Variants in GALNT17 observed in about 807,000 individuals in gnomAD.
The protein encoded by GALNT17 is polypeptide N-acetylgalactosaminyltransferase 17.
A neutral mutation model predicts 63.7 loss-of-function variants in GALNT17; 29 were observed. That is an observed-to-expected ratio of 0.46 (90% CI 0.34 to 0.62). The LOEUF (loss-of-function observed/expected upper bound fraction) is 0.62, where lower values mean the gene tolerates loss of function less well. GALNT17 is among the 20% of genes least tolerant of loss of function. GALNT17 has a pLI of 0.01. For missense variants in GALNT17, 603 were observed against 799.6 expected (o/e 0.75, Z 2.97); for synonymous variants, 305 against 318.3 (o/e 0.96, Z 0.45).
At chr7:71,483,042 G>A (rs4719126) in intron 5 of GALNT17, among the ~76,000 whole-genome samples, 149,324 of 152,254 alleles carry the variant, frequency 0.98, 73,283 homozygotes, top group East Asian at 1. Flanking sequence ...CCTGGTTCCT[G>A]AAAGGTCACA....
chr7:71,697,179 C>T (rs1791558145), intron 9 of GALNT17, among the ~76,000 whole-genome samples: 1 of 152,006 alleles, frequency 6.6e-6, no homozygotes, highest in African/African-American at 2.4e-5. Context: ...AAAGTTTATT[C>T]TTAAATTGGT....
intron 5 of GALNT17, among the ~76,000 whole-genome samples, chr7:71,487,797 A>G (rs1787937267): frequency 6.6e-6 from 1 of 152,204 alleles, no homozygotes; most frequent in Non-Finnish European, 1.5e-5. Flanking sequence ...GAGAGAAGCC[A>G]GAACCATATG....
chr7:71,711,846 CCT>C (rs573902258), intron 10 of GALNT17, among the ~76,000 whole-genome samples, 170 bp from the exon 11 acceptor site: 34 of 151,364 alleles, frequency 2.2e-4, no homozygotes, highest in South Asian at 2.1e-3. Context: ...TTCTCTCTCT[CCT>C]CTTTCTGTCT....
intron 5 of GALNT17, among the ~76,000 whole-genome samples, chr7:71,562,407 T>C (rs1789271417): frequency 6.6e-6 from 1 of 152,196 alleles, no homozygotes; most frequent in South Asian, 2.1e-4. Context: ...TAATATATAA[T>C]GAAATAGTTC....
At chr7:71,640,208 C>T (rs537560473) in intron 6 of GALNT17, among the ~76,000 whole-genome samples, 201 of 152,280 alleles carry the variant, frequency 1.3e-3, no homozygotes, top group African/African-American at 4.6e-3. Context: ...AAGATATCCA[C>T]GCAGACTTCT....
intron 5 of GALNT17, among the ~76,000 whole-genome samples, chr7:71,508,177 T>TG: frequency 6.6e-6 from 1 of 152,254 alleles, no homozygotes; most frequent in African/African-American, 2.4e-5. Flanking sequence ...TTTCTTTCCC[T>TG]GGGGGAATTT....
At chr7:71,674,464 G>T (rs1018479945) in intron 8 of GALNT17, among the ~76,000 whole-genome samples, 1 of 151,898 alleles carries the variant, frequency 6.6e-6, no homozygotes, top group South Asian at 2.1e-4. Context: ...TCCCACCTCA[G>T]CCTCCCTAGT....
At chr7:71,297,671 G>A (rs1340724468) in intron 1 of GALNT17, among the ~76,000 whole-genome samples, 2 of 152,200 alleles carry the variant, frequency 1.3e-5, no homozygotes, top group Non-Finnish European at 2.9e-5. Flanking sequence ...TAGCTCCAAA[G>A]TGGAAACAAC....
chr7:71,160,470 T>A (rs960071897), intron 1 of GALNT17, among the ~76,000 whole-genome samples: 2 of 152,184 alleles, frequency 1.3e-5, no homozygotes, highest in African/African-American at 4.8e-5. Context: ...TGAACATTTT[T>A]TTTTTGAGAC....
intron 5 of GALNT17, among the ~76,000 whole-genome samples, chr7:71,550,493 G>A (rs1467680800): frequency 6.6e-6 from 1 of 152,022 alleles, no homozygotes; most frequent in African/African-American, 2.4e-5. Context: ...CAATTCTCCT[G>A]CCTCAGCCTC....
rs188944680 is a variant in GALNT17 at position 71,180,693 on chromosome 7, C to T, written c.238+47653C>T. Among the ~76,000 whole-genome samples the T allele has an allele frequency of 8.5e-5, 13 of 152,252 alleles. No individual in the cohort carries two copies. In the East Asian group the frequency reaches 2.5e-3, roughly 29 times the overall value. ...CTGGGGAGATGGATACGCTGTCATC[C>T]ACAGCTTTAGGAGTTGTATTTCAGC... On this transcript the variant is annotated intron_variant, in intron 1 of 10. Transcript: ENST00000333538.
intron 1 of GALNT17, among the ~76,000 whole-genome samples, chr7:71,295,754 A>C (rs1363738801): frequency 6.6e-6 from 1 of 151,792 alleles, no homozygotes; most frequent in African/African-American, 2.4e-5. Context: ...GCACACCATC[A>C]TGCCTGGCCA....
rs140250111 is a variant in GALNT17 at position 71,624,429 on chromosome 7, G to C, written c.1081-40982G>C. Among the ~76,000 whole-genome samples, 362 of 152,260 alleles carry C rather than the reference G, an allele frequency of 2.4e-3. 1 individual carries two copies. The highest frequency in any genetic ancestry group is 4.0e-3 in the Non-Finnish European group (272 of 68,016). ...GGGGTTCTAGGTATAATTAAGGGCT[G>C]TTTTACCTTTCTGTTAGGGCCCAAG... is the stretch of plus-strand genomic sequence containing the variant. On this transcript the variant is annotated intron_variant, in intron 6 of 10. Coordinates refer to ENST00000333538, the MANE Select transcript of GALNT17 (RefSeq NM_022479.3).
chr7:71,407,385 A>G (rs980297814), intron 3 of GALNT17, among the ~76,000 whole-genome samples: 8 of 152,168 alleles, frequency 5.3e-5, no homozygotes, highest in Admixed American at 5.2e-4. Flanking sequence ...AATTACCAGC[A>G]TGGGGGTTGG....
intron 5 of GALNT17, among the ~76,000 whole-genome samples, chr7:71,451,415 A>G (rs1787261057): frequency 6.6e-6 from 1 of 152,084 alleles, no homozygotes; most frequent in Admixed American, 6.5e-5. Flanking sequence ...AAAAGCTTCT[A>G]TATGTTTTTG....
intron 7 of GALNT17, 56 bp from the exon 8 acceptor site, chr7:71,669,916 C>G (rs1160870588): frequency 2.3e-5 from 36 of 1,599,188 alleles, no homozygotes; most frequent in Non-Finnish European, 2.6e-5. Context: ...ACCTGTGCCC[C>G]ACTCTGGCCA....
At chr7:71,201,466 G>A (rs1199915382) in intron 1 of GALNT17, among the ~76,000 whole-genome samples, 2 of 151,530 alleles carry the variant, frequency 1.3e-5, no homozygotes, top group Non-Finnish European at 2.9e-5. Flanking sequence ...GGACAATGTT[G>A]TTTGTTTTAT....
At position 71,228,705 on chromosome 7, in the gene GALNT17, A is replaced by G. The variant is rs566488514; in HGVS notation, c.238+95665A>G. ...CTTCACCTCAACTCTTTTCTCCTGCATGTGTCTATTGAACTTCCCCTGCCT... is the reference window on the plus strand; with the variant it reads ...CTTCACCTCAACTCTTTTCTCCTGCGTGTGTCTATTGAACTTCCCCTGCCT... On this transcript the variant is annotated intron_variant, in intron 1 of 10. Transcript: ENST00000333538. Among the ~76,000 whole-genome samples, 9 of 152,252 alleles carry G rather than the reference A, an allele frequency of 5.9e-5. No individual in the cohort carries two copies. The South Asian group carries it at 1.5e-3, about 25-fold the overall frequency.
At chr7:71,315,087 C>A (rs1481700144) in intron 1 of GALNT17, among the ~76,000 whole-genome samples, 1 of 152,188 alleles carries the variant, frequency 6.6e-6, no homozygotes, top group Non-Finnish European at 1.5e-5. Flanking sequence ...TCTGGAGTTA[C>A]CTATTCTGGA....
Sources: allele counts gnomAD v4.1 joint callset (sites outside exome capture counted in the v4.1 genomes callset), GRCh38; gene constraint gnomAD v4.1.1; transcripts MANE v1.5; gene names NCBI Gene and HGNC (gene_info 2026-07-23, HGNC 2026-07-21).